The following STMN2 variants were observed in gnomAD, a reference collection of about 807,000 sequenced individuals.
STMN2 encodes stathmin 2.
Under a neutral mutation model 24.1 loss-of-function variants are expected in STMN2, and 2 were observed. The observed-to-expected ratio is 0.08, with a 90% CI of 0.03 to 0.26. The LOEUF is 0.26. STMN2 is among the 10% of genes least tolerant of loss of function. STMN2 has a pLI of 1.00. For synonymous variants in STMN2, 83 were observed against 77.5 expected (o/e 1.07, Z -0.37); for missense variants, 114 against 213.6 (o/e 0.53, Z 2.91).
chr8:79,653,035 G>T (rs966214823), intron 3 of STMN2, among the ~76,000 whole-genome samples: 3 of 151,970 alleles, frequency 2.0e-5, no homozygotes, highest in African/African-American at 4.8e-5. Flanking sequence ...TTTTGTATTG[G>T]TTTTCCTGAA....
chr8:79,631,658 C>A (rs1210149385), intron 1 of STMN2, among the ~76,000 whole-genome samples: 1 of 151,994 alleles, frequency 6.6e-6, no homozygotes, highest in African/African-American at 2.4e-5. Context: ...AAGAAGTGTT[C>A]AAAATGAAAT....
intron 4 of STMN2, among the ~76,000 whole-genome samples, chr8:79,655,868 C>T (rs1267372315): frequency 1.3e-5 from 2 of 152,178 alleles, no homozygotes; most frequent in Non-Finnish European, 2.9e-5. Context: ...AAAGACGCCT[C>T]AATCCTTTTC....
intron 1 of STMN2, among the ~76,000 whole-genome samples, chr8:79,623,496 T>C (rs1376373508): frequency 6.6e-6 from 1 of 152,222 alleles, no homozygotes; most frequent in Non-Finnish European, 1.5e-5. Context: ...TTAGGAATTA[T>C]ATTTATGACA....
chr8:79,611,127 C>T lies in STMN2; in HGVS notation c.-69C>T, dbSNP rs1585865793. The T allele has an allele frequency of 1.2e-6, 2 of 1,607,988 alleles. No homozygotes were observed. The highest frequency in any genetic ancestry group is 1.3e-5 in the African/African-American group (1 of 74,794). On this transcript the variant is annotated 5_prime_UTR_variant, in exon 1 of 5. Coordinates refer to ENST00000220876, the MANE Select transcript of STMN2 (RefSeq NM_007029.4). The stretch of plus-strand genomic sequence containing the variant: ...CTCAGTGCCTTATTCAGTCTTCTCT[C>T]TCGCTCTCTCCGCTGCTGTAGCCGG...
intron 1 of STMN2, among the ~76,000 whole-genome samples, chr8:79,632,625 A>G (rs904128063): frequency 6.6e-6 from 1 of 152,192 alleles, no homozygotes; most frequent in Non-Finnish European, 1.5e-5. Flanking sequence ...TATTCCTTTC[A>G]GGGATTATGA....
intron 1 of STMN2, among the ~76,000 whole-genome samples, chr8:79,622,104 G>C (rs1267135474): frequency 6.6e-6 from 1 of 152,024 alleles, no homozygotes; most frequent in Non-Finnish European, 1.5e-5. Flanking sequence ...AGAGAGCATG[G>C]ATTAGAGGTG....
intron 1 of STMN2, chr8:79,620,839 C>A (rs1453108622): frequency 3.3e-6 from 1 of 302,238 alleles, no homozygotes; most frequent in African/African-American, 2.3e-5. Flanking sequence ...CTAGCCTCCA[C>A]CCCCAGAGGT....
Position 79,664,799 on chromosome 8 carries a change from C to T in STMN2, c.481-16C>T. On this transcript the variant is annotated splice_polypyrimidine_tract_variant and intron_variant, in intron 4 of 4. Coordinates refer to ENST00000220876, the MANE Select transcript of STMN2 (RefSeq NM_007029.4). Reference sequence around the variant, plus strand: ...AAAGGGCCTGTGACATTTCTTCTTCCTTTTGTGTTTTTTAGGAGAGGCATG... The same window carrying T: ...AAAGGGCCTGTGACATTTCTTCTTCTTTTTGTGTTTTTTAGGAGAGGCATG... The T allele has an allele frequency of 6.2e-7, 1 of 1,611,338 alleles. No homozygotes were observed. Among genetic ancestry groups the T allele is most frequent in the Non-Finnish European group, 8.5e-7 (1 of 1,178,566 alleles).
At chr8:79,651,434 G>T (rs1486803374) in intron 3 of STMN2, among the ~76,000 whole-genome samples, 1 of 152,126 alleles carries the variant, frequency 6.6e-6, no homozygotes, top group African/African-American at 2.4e-5. Context: ...GGTTATAATG[G>T]GAATTCTCCA....
chr8:79,636,716 G>A, intron 1 of STMN2, 86 bp from the exon 2 acceptor site: 3 of 1,222,248 alleles, frequency 2.5e-6, no homozygotes, highest in Non-Finnish European at 3.5e-6. Flanking sequence ...TCTGCAGGAG[G>A]CAATAATTAT....
intron 3 of STMN2, among the ~76,000 whole-genome samples, chr8:79,641,829 C>A (rs991348498): frequency 6.6e-6 from 1 of 152,150 alleles, no homozygotes. Flanking sequence ...CTTCAGTGCT[C>A]TAGTGCCCCT....
intron 4 of STMN2, among the ~76,000 whole-genome samples, chr8:79,657,957 T>C (rs571297286): frequency 2.0e-4 from 31 of 152,320 alleles, no homozygotes; most frequent in African/African-American, 6.5e-4. Context: ...GGCATGACAC[T>C]GCCAACGTAA....
chr8:79,641,628 G>GCACACACACACACA (rs61386841), intron 3 of STMN2, 78 bp downstream of exon 3: 25 of 431,646 alleles, frequency 5.8e-5, no homozygotes, highest in South Asian at 2.4e-4. Flanking sequence ...ACACATGCAC[G>GCACACACACACACA]CACACACACA....
At chr8:79,622,887 G>A (rs906208578) in intron 1 of STMN2, among the ~76,000 whole-genome samples, 7 of 151,964 alleles carry the variant, frequency 4.6e-5, no homozygotes, top group African/African-American at 1.4e-4. Flanking sequence ...AGAACCTCTC[G>A]TTCTTTCTTA....
chr8:79,662,730 C>A (rs1806527715), intron 4 of STMN2, among the ~76,000 whole-genome samples: 1 of 152,032 alleles, frequency 6.6e-6, no homozygotes, highest in South Asian at 2.1e-4. Flanking sequence ...TTGAGTTTAA[C>A]AAGAAGTGTA....
chr8:79,611,762 A>C, intron 1 of STMN2: 6 of 978,542 alleles, frequency 6.1e-6, no homozygotes, highest in Non-Finnish European at 7.3e-6. Flanking sequence ...CGTCGAAGAA[A>C]CCGCTAGTCC....
chr8:79,624,402 C>T (rs1444429982), intron 1 of STMN2, among the ~76,000 whole-genome samples: 1 of 137,766 alleles, frequency 7.3e-6, no homozygotes, highest in Non-Finnish European at 1.5e-5. Context: ...TGCAGTGAGC[C>T]GAGATTGTAC....
intron 3 of STMN2, 141 bp from the exon 4 acceptor site, chr8:79,654,730 A>G (rs776032900): frequency 1.1e-6 from 1 of 895,598 alleles, no homozygotes; most frequent in Non-Finnish European, 1.6e-6. Context: ...TAAGCCATGC[A>G]GATGAGTACA....
intron 3 of STMN2, 121 bp from the exon 4 acceptor site, chr8:79,654,750 A>G: frequency 1.8e-6 from 2 of 1,127,350 alleles, no homozygotes; most frequent in Non-Finnish European, 2.5e-6. Flanking sequence ...AGACTTGACA[A>G]TAGTGCTCAA....
Sources: allele counts gnomAD v4.1 joint callset (sites outside exome capture counted in the v4.1 genomes callset), GRCh38; gene constraint gnomAD v4.1.1; transcripts MANE v1.5; gene names NCBI Gene and HGNC (gene_info 2026-07-23, HGNC 2026-07-21).